Variants in DGKG observed in about 807,000 individuals in gnomAD.
DGKG encodes the protein DAG kinase gamma.
Under a neutral mutation model 105.3 loss-of-function variants are expected in DGKG, and 78 were observed. The ratio of observed to expected loss-of-function variants is 0.74; its 90% confidence interval spans 0.62 to 0.89. The LOEUF (loss-of-function observed/expected upper bound fraction) is 0.89. Among genes scored for constraint, DGKG ranks in the 40% least tolerant of loss-of-function variants. DGKG has a pLI of 0.00. For missense variants in DGKG, 958 were observed against 1,020.1 expected, an observed-to-expected ratio of 0.94 and a Z score of 0.83; for synonymous variants, 346 against 367.1, an observed-to-expected ratio of 0.94 and a Z score of 0.66.
At chr3:186,321,975 C>G (rs1430684304) in intron 1 of DGKG, among the ~76,000 whole-genome samples, 1 of 152,164 alleles carries the variant, frequency 6.6e-6, no homozygotes, top group East Asian at 1.9e-4. Context: ...CATCAGTGAC[C>G]TAGCTGCCAA....
chr3:186,181,084 G>T (rs1717336433), intron 22 of DGKG, among the ~76,000 whole-genome samples: 1 of 152,230 alleles, frequency 6.6e-6, no homozygotes, highest in Non-Finnish European at 1.5e-5. Flanking sequence ...ACACTGGCTT[G>T]CTGGCCTTGC....
At chr3:186,308,397 G>A (rs1200314031) in intron 2 of DGKG, among the ~76,000 whole-genome samples, 3 of 152,120 alleles carry the variant, frequency 2.0e-5, no homozygotes, top group African/African-American at 7.2e-5. Flanking sequence ...GGGTAATTAA[G>A]AGCTTTCCAA....
chr3:186,260,981 T>A (rs1198026655), intron 15 of DGKG, among the ~76,000 whole-genome samples: 1 of 151,980 alleles, frequency 6.6e-6, no homozygotes, highest in African/African-American at 2.4e-5. Context: ...GGAGGTGGTG[T>A]TGGGCTGTGG....
chr3:186,333,842 G>A (rs889090252), intron 1 of DGKG, among the ~76,000 whole-genome samples: 13 of 152,086 alleles, frequency 8.5e-5, no homozygotes, highest in African/African-American at 2.4e-4. Context: ...TGGTGATAGC[G>A]GCGTGGTATG....
chr3:186,212,160 G>A (rs1162247980), intron 20 of DGKG, among the ~76,000 whole-genome samples: 2 of 152,198 alleles, frequency 1.3e-5, no homozygotes, highest in Non-Finnish European at 2.9e-5. Context: ...CAGGAAGAAG[G>A]TCTCTGTAGC....
chr3:186,190,840 G>GA (rs1180791189), intron 21 of DGKG, among the ~76,000 whole-genome samples: 1 of 152,060 alleles, frequency 6.6e-6, no homozygotes, highest in African/African-American at 2.4e-5. Flanking sequence ...CGCATAAAAG[G>GA]AAAAAACAGT....
rs546220923 is a variant in DGKG, at chr3:186,197,185, G to T, written c.1918-8806C>A. Among the ~76,000 whole-genome samples, 23 of 152,098 alleles carry T rather than the reference G, an allele frequency of 1.5e-4. 1 individual carries two copies. The highest frequency in any genetic ancestry group is 2.9e-4 in the Non-Finnish European group (20 of 68,012). On this transcript the variant is annotated intron_variant, in intron 21 of 24. Transcript: ENST00000265022. ...TCTTTTGAAGATGGAAGTAGTAAAT[G>T]CTGGGCCATGTCTGGGGAAAATAGC...
At chr3:186,298,303 T>G in intron 3 of DGKG, 74 bp from the exon 4 acceptor site, 6 of 1,412,386 alleles carry the variant, frequency 4.2e-6, no homozygotes, top group South Asian at 1.5e-5. Flanking sequence ...GGAAAAGGAA[T>G]AGAAAAGCTG....
chr3:186,165,511 C>G (rs1400470956), intron 22 of DGKG, among the ~76,000 whole-genome samples: 1 of 152,194 alleles, frequency 6.6e-6, no homozygotes, highest in African/African-American at 2.4e-5. Flanking sequence ...TGTGGTAAGC[C>G]ACTGGTGAGC....
intron 3 of DGKG, among the ~76,000 whole-genome samples, chr3:186,305,543 G>C (rs1321451193): frequency 3.3e-5 from 5 of 152,156 alleles, no homozygotes; most frequent in Non-Finnish European, 7.3e-5. Flanking sequence ...ATGGGAGATT[G>C]TGGAGTAGAG....
At chr3:186,322,698 G>A (rs1725136810) in intron 1 of DGKG, among the ~76,000 whole-genome samples, 2 of 152,068 alleles carry the variant, frequency 1.3e-5, no homozygotes, top group East Asian at 1.9e-4. Context: ...GGCATGCTGC[G>A]GCAGCCCTGA....
At chr3:186,197,149 C>CG (rs1227389509) in intron 21 of DGKG, among the ~76,000 whole-genome samples, 1 of 151,964 alleles carries the variant, frequency 6.6e-6, no homozygotes, top group Admixed American at 6.6e-5. Context: ...GAGAGTTGGC[C>CG]GGGGGGTAGC....
At chr3:186,275,953 T>G (rs945386909) in intron 9 of DGKG, among the ~76,000 whole-genome samples, 41 of 89,546 alleles carry the variant, frequency 4.6e-4, no homozygotes, top group Non-Finnish European at 7.3e-4. Flanking sequence ...CTGATCTATC[T>G]ATCTATCTAT....
intron 2 of DGKG, among the ~76,000 whole-genome samples, chr3:186,311,857 C>T (rs1724561182): frequency 7.7e-6 from 1 of 129,488 alleles, no homozygotes; most frequent in South Asian, 2.2e-4. Context: ...TGGCTCACGC[C>T]TGTAATCCCA....
At chr3:186,268,768 A>G in intron 12 of DGKG, 33 bp downstream of exon 12, 1 of 1,512,958 alleles carries the variant, frequency 6.6e-7, no homozygotes, top group South Asian at 1.1e-5. Flanking sequence ...AAAACGTTGA[A>G]AAGAAGCAGG....
chr3:186,272,283 G>C lies in DGKG; in HGVS notation c.971C>G (p.Thr324Arg). 6.2e-7 allele frequency: 1 copy of C among 1,613,840 alleles called. No homozygotes were observed. Among genetic ancestry groups the C allele is most frequent in the South Asian group, 1.1e-5 (1 of 91,066 alleles). The change falls in exon 11 of 25, where the codon ACG (threonine) becomes AGG (arginine). Residue 324 changes from threonine to arginine, a missense_variant. Transcript: ENST00000265022. ...VSRNIPGCVK[T>R]YSKAKRSGEV... The stretch of plus-strand genomic sequence containing the variant: ...ACCACTCCTTTTGGCTTTTGAGTAC[G>C]TTTTGACACAACCAGGAATGTTTCT...
chr3:186,331,688 G>A (rs1294552851), intron 1 of DGKG, among the ~76,000 whole-genome samples: 1 of 152,178 alleles, frequency 6.6e-6, no homozygotes, highest in Non-Finnish European at 1.5e-5. Context: ...CTGCTACTTT[G>A]GGGGTCTGTC....
intron 21 of DGKG, among the ~76,000 whole-genome samples, chr3:186,191,875 T>C (rs1327584142): frequency 6.6e-6 from 1 of 152,240 alleles, no homozygotes; most frequent in East Asian, 1.9e-4. Context: ...CTCCTTTTTC[T>C]TTTCTTTTCA....
chr3:186,276,525 T>G (rs1722595978), intron 9 of DGKG, among the ~76,000 whole-genome samples: 2 of 152,198 alleles, frequency 1.3e-5, no homozygotes, highest in South Asian at 4.1e-4. Flanking sequence ...GTAAAAACAA[T>G]GTATTTCTCC....
Sources: allele counts gnomAD v4.1 joint callset (sites outside exome capture counted in the v4.1 genomes callset), GRCh38; gene constraint gnomAD v4.1.1; transcripts MANE v1.5; gene names NCBI Gene and HGNC (gene_info 2026-07-23, HGNC 2026-07-21).